DENND2B: variants seen among roughly 807,000 people sequenced by gnomAD.
DENND2B encodes the protein DENN domain containing 2B.
DENND2B carries 32 observed loss-of-function variants against 116.0 expected under a neutral mutation model. The ratio of observed to expected loss-of-function variants is 0.28; its 90% CI spans 0.21 to 0.37. DENND2B has a LOEUF of 0.37. DENND2B is among the 10% of genes least tolerant of loss of function. The probability of loss-of-function intolerance (pLI) is 1.00; values close to 1 mark genes in which losing one functional copy is unlikely to be tolerated. For missense variants in DENND2B, 1,276 were observed against 1,477.7 expected, an observed-to-expected ratio of 0.86 and a Z score of 2.24; for synonymous variants, 588 against 583.9, an observed-to-expected ratio of 1.01 and a Z score of -0.10.
chr11:8,705,114 C>T lies in DENND2B; in HGVS notation c.2571+1971G>A, dbSNP rs900235898. Among the ~76,000 whole-genome samples, 11 of 152,132 alleles carry T rather than the reference C, an allele frequency of 7.2e-5. No individual in the cohort carries two copies. The East Asian group carries it at 2.1e-3, about 29-fold the overall frequency. On this transcript the variant is annotated intron_variant, in intron 13 of 19. Transcript: ENST00000313726. ...CAAGCCCTCCATGGAGCCTAACACCCACATCTTCTCAGTACTCTCTGCTAG... is the reference window on the plus strand; with the variant it reads ...CAAGCCCTCCATGGAGCCTAACACCTACATCTTCTCAGTACTCTCTGCTAG...
chr11:8,906,420 C>T (rs1243344466), intron 1 of DENND2B, among the ~76,000 whole-genome samples: 1 of 148,376 alleles, frequency 6.7e-6, no homozygotes, highest in Non-Finnish European at 1.5e-5. Flanking sequence ...AGGATGGTCT[C>T]AATCTCCTGG....
chr11:8,769,499 A>T (rs1462206119), intron 1 of DENND2B, among the ~76,000 whole-genome samples: 2 of 151,978 alleles, frequency 1.3e-5, no homozygotes, highest in Non-Finnish European at 2.9e-5. Flanking sequence ...ACCTCAACTG[A>T]TCCACCCGCC....
intron 19 of DENND2B, chr11:8,694,663 T>G (rs1325296859): frequency 8.8e-6 from 4 of 455,918 alleles, no homozygotes; most frequent in South Asian, 3.1e-5. Context: ...TTCAACCAAC[T>G]GGAGATCAAG....
chr11:8,828,761 A>C (rs906759767), intron 4 of DENND2B, among the ~76,000 whole-genome samples: 24 of 152,178 alleles, frequency 1.6e-4, no homozygotes, highest in Admixed American at 6.5e-5. Flanking sequence ...AGAAGATTCC[A>C]CGCTGCTTTG....
intron 2 of DENND2B, among the ~76,000 whole-genome samples, chr11:8,858,540 AG>A (rs1433867327): frequency 6.6e-6 from 1 of 152,276 alleles, no homozygotes; most frequent in East Asian, 1.9e-4. Context: ...ATGAGACAGA[AG>A]AGATGGGAGG....
intron 1 of DENND2B, among the ~76,000 whole-genome samples, chr11:8,883,906 C>T (rs562083856): frequency 4.5e-4 from 68 of 152,308 alleles, no homozygotes; most frequent in African/African-American, 1.6e-3. Context: ...TGTTTTGAAT[C>T]TTTACAAACC....
chr11:8,866,675 G>A (rs1219655519), intron 2 of DENND2B, among the ~76,000 whole-genome samples: 4 of 152,194 alleles, frequency 2.6e-5, no homozygotes, highest in Non-Finnish European at 5.9e-5. Flanking sequence ...CCCTGATCTA[G>A]AAGAACTAGG....
At chr11:8,709,611 C>CTCT (rs1271352262) in intron 11 of DENND2B, among the ~76,000 whole-genome samples, 2 of 152,194 alleles carry the variant, frequency 1.3e-5, no homozygotes, top group African/African-American at 4.8e-5. Flanking sequence ...TCTACCTCCC[C>CTCT]ACGCCCCCTC....
intron 4 of DENND2B, chr11:8,718,106 C>CCCCCCACCT: frequency 3.5e-6 from 1 of 281,696 alleles, no homozygotes; most frequent in Non-Finnish European, 6.6e-6. Flanking sequence ...ACCCCCCCAC[C>CCCCCCACCT]CCCCCCAACC....
intron 4 of DENND2B, among the ~76,000 whole-genome samples, chr11:8,822,050 A>C (rs750093679): frequency 2.0e-5 from 3 of 152,150 alleles, no homozygotes; most frequent in Non-Finnish European, 2.9e-5. Flanking sequence ...ACATACATTT[A>C]TTTTCTTAAA....
chr11:8,832,894 A>C (rs935680382), intron 4 of DENND2B, among the ~76,000 whole-genome samples: 3 of 152,270 alleles, frequency 2.0e-5, no homozygotes, highest in Non-Finnish European at 4.4e-5. Context: ...TCCAGTAAGC[A>C]GCGGCTGCAC....
chr11:8,803,191 C>T (rs1474238748), intron 1 of DENND2B, among the ~76,000 whole-genome samples: 1 of 151,722 alleles, frequency 6.6e-6, no homozygotes. Context: ...TGGCCACCAG[C>T]CTGGCCAACA....
intron 1 of DENND2B, among the ~76,000 whole-genome samples, chr11:8,888,094 G>A (rs1467997364): frequency 2.0e-5 from 3 of 152,204 alleles, no homozygotes; most frequent in Non-Finnish European, 4.4e-5. Flanking sequence ...TCTGTCTGAT[G>A]TAATTATTTT....
chr11:8,744,003 C>T (rs1257030713), intron 2 of DENND2B, among the ~76,000 whole-genome samples: 1 of 152,060 alleles, frequency 6.6e-6, no homozygotes, highest in East Asian at 1.9e-4. Flanking sequence ...CCCACCTCAG[C>T]CTCCCAAAGT....
chr11:8,709,261 C>G (rs2043174633), intron 11 of DENND2B, among the ~76,000 whole-genome samples: 1 of 152,224 alleles, frequency 6.6e-6, no homozygotes, highest in African/African-American at 2.4e-5. Context: ...TCCCTCTCCC[C>G]CGCCTCCCCT....
intron 1 of DENND2B, among the ~76,000 whole-genome samples, chr11:8,907,984 G>A (rs1466759332): frequency 6.6e-6 from 1 of 152,134 alleles, no homozygotes; most frequent in Non-Finnish European, 1.5e-5. Flanking sequence ...TTACAGGTGT[G>A]AGCCACCACA....
intron 11 of DENND2B, among the ~76,000 whole-genome samples, chr11:8,708,776 A>AC (rs890219675): frequency 1.3e-5 from 2 of 151,878 alleles, no homozygotes; most frequent in Admixed American, 6.6e-5. Context: ...ACATGGAGAA[A>AC]CCCCATCTCC....
In DENND2B at chr11:8,712,456, G is replaced by A. The variant is rs1452471362; in HGVS notation, c.2172+95C>T. On this transcript the variant is annotated intron_variant, in intron 9 of 19. Transcript: ENST00000313726. This position sits in a 1 kb window ranked among gnomAD's most constrained non-coding sequence, Gnocchi z 4.4. ...CTGTGGCAGCTCGGTGAGGACGTAT[G>A]ACGAACAAGATCTCTCTCCTTCCCC... The A allele has an allele frequency of 2.2e-6, 3 of 1,371,860 alleles. No individual in the cohort carries two copies. Among genetic ancestry groups the A allele is most frequent in the South Asian group, 2.9e-5 (2 of 69,150 alleles). The allele number at this position is 1,371,860 out of a possible 1,614,324, so 85.0% of individuals were successfully genotyped here.
chr11:8,835,630 T>C (rs556329897), intron 4 of DENND2B: 1 of 152,248 alleles, frequency 6.6e-6, no homozygotes, highest in East Asian at 1.9e-4. Flanking sequence ...TTACCTGTGA[T>C]TGGTGAGAGA....
Sources: gnomAD v4.1 joint callset for allele counts (sites outside exome capture counted in the v4.1 genomes callset) on GRCh38, gnomAD v4.1.1 for gene constraint, Gnocchi (gnomAD v3.1) non-coding constraint, MANE v1.5 for transcripts, NCBI Gene and HGNC (gene_info 2026-07-23, HGNC 2026-07-21) for gene names.